LRP1B: variants seen among roughly 807,000 people sequenced by gnomAD.
The protein encoded by LRP1B is LDL receptor related protein 1B, also known as low-density lipoprotein receptor-related protein 1B.
In LRP1B, 217 loss-of-function variants were observed where a neutral mutation model predicts 556.6. The observed-to-expected ratio is 0.39, with a 90% CI of 0.35 to 0.44. The LOEUF is 0.44. Ranked by LOEUF, LRP1B falls within the 20% of genes least tolerant of loss-of-function variation. The pLI is 1.00. For synonymous variants in LRP1B, 2,047 were observed against 1,865.8 expected, an observed-to-expected ratio of 1.10 and a Z score of -2.50; for missense variants, 5,053 against 5,620.8, an observed-to-expected ratio of 0.90 and a Z score of 3.23.
At chr2:141,674,797 C>A (rs1690813618) in intron 2 of LRP1B, among the ~76,000 whole-genome samples, 1 of 151,992 alleles carries the variant, frequency 6.6e-6, no homozygotes, top group African/African-American at 2.4e-5. Flanking sequence ...CACTGCATTG[C>A]AACGGGTAGA....
At chr2:141,308,452 G>T (rs1414642028) in intron 3 of LRP1B, among the ~76,000 whole-genome samples, 1 of 152,074 alleles carries the variant, frequency 6.6e-6, no homozygotes, top group Non-Finnish European at 1.5e-5. Flanking sequence ...AAAACTATAG[G>T]TATATCATGA....
chr2:142,115,705 T>A (rs1429609628), intron 1 of LRP1B, among the ~76,000 whole-genome samples: 3 of 19,928 alleles, frequency 1.5e-4, no homozygotes, highest in African/African-American at 3.8e-4. Context: ...AATATATATA[T>A]AATATATATG....
At chr2:141,042,982 A>G (rs942010571) in intron 11 of LRP1B, among the ~76,000 whole-genome samples, 8 of 149,482 alleles carry the variant, frequency 5.4e-5, no homozygotes, top group African/African-American at 2.4e-5. Context: ...ACTTGAGCCC[A>G]GGAGTTTGCA....
intron 13 of LRP1B, among the ~76,000 whole-genome samples, chr2:141,015,264 CTA>C (rs1697869154): frequency 6.6e-6 from 1 of 152,058 alleles, no homozygotes. Flanking sequence ...CTCATTCCTA[CTA>C]TGTGTTTAAG....
intron 2 of LRP1B, among the ~76,000 whole-genome samples, chr2:141,482,723 C>G (rs1055323413): frequency 2.0e-5 from 3 of 151,854 alleles, no homozygotes; most frequent in Non-Finnish European, 4.4e-5. Flanking sequence ...CATAAAGTAG[C>G]TTTTTAAAAT....
At chr2:140,872,538 A>G (rs902648851) in intron 25 of LRP1B, among the ~76,000 whole-genome samples, 1 of 151,792 alleles carries the variant, frequency 6.6e-6, no homozygotes, top group African/African-American at 2.4e-5. Context: ...CCCCTTTTGG[A>G]GACCCAGGAT....
chr2:142,021,871 T>C (rs1173630127), intron 1 of LRP1B, among the ~76,000 whole-genome samples: 1 of 152,150 alleles, frequency 6.6e-6, no homozygotes, highest in African/African-American at 2.4e-5. Context: ...CATATTTAAA[T>C]ATTCTCAATC....
At chr2:141,346,132 C>A (rs1346850621) in intron 3 of LRP1B, among the ~76,000 whole-genome samples, 3 of 151,554 alleles carry the variant, frequency 2.0e-5, no homozygotes, top group Non-Finnish European at 4.4e-5. Flanking sequence ...TCTTTTTCTT[C>A]CATGTTTTGT....
chr2:140,629,837 T>C (rs917225399), intron 41 of LRP1B, among the ~76,000 whole-genome samples: 1 of 152,202 alleles, frequency 6.6e-6, no homozygotes, highest in Non-Finnish European at 1.5e-5. Context: ...TGCAATTTAA[T>C]ATTTTTACAT....
At chr2:140,299,385 A>G (rs1683727243) in intron 83 of LRP1B, among the ~76,000 whole-genome samples, 1 of 152,104 alleles carries the variant, frequency 6.6e-6, no homozygotes, top group Non-Finnish European at 1.5e-5. Flanking sequence ...AGTAATATAC[A>G]TTTTTATGGT....
At chr2:140,627,434 C>T (rs1282865718) in intron 41 of LRP1B, among the ~76,000 whole-genome samples, 2 of 152,136 alleles carry the variant, frequency 1.3e-5, no homozygotes, top group Admixed American at 6.5e-5. Flanking sequence ...TGCCCTCGAA[C>T]ATCGGTCTCC....
intron 3 of LRP1B, among the ~76,000 whole-genome samples, chr2:141,275,833 G>A (rs141877595): frequency 4.3e-4 from 66 of 152,158 alleles, no homozygotes; most frequent in African/African-American, 4.3e-4. Flanking sequence ...TAGAAATGGC[G>A]TAGTGTGAAG....
intron 3 of LRP1B, among the ~76,000 whole-genome samples, chr2:141,479,010 C>A (rs1429699747): frequency 6.6e-6 from 1 of 152,124 alleles, no homozygotes; most frequent in Non-Finnish European, 1.5e-5. Context: ...AAAGGAAACT[C>A]AGGCCAAAGA....
intron 2 of LRP1B, among the ~76,000 whole-genome samples, chr2:141,783,305 A>T (rs1288144124): frequency 6.6e-6 from 1 of 152,078 alleles, no homozygotes; most frequent in Non-Finnish European, 1.5e-5. Context: ...TCAGAGAGAG[A>T]GGAGTTCATT....
chr2:140,265,742 C>T (rs1460580216), intron 86 of LRP1B, among the ~76,000 whole-genome samples: 1 of 152,058 alleles, frequency 6.6e-6, no homozygotes, highest in Non-Finnish European at 1.5e-5. Context: ...ATTAACAATA[C>T]ATGACCACTG....
chr2:141,215,635 T>C (rs1301790085), intron 6 of LRP1B, among the ~76,000 whole-genome samples: 1 of 152,196 alleles, frequency 6.6e-6, no homozygotes, highest in Admixed American at 6.5e-5. Context: ...TATTGGGAAC[T>C]GGAGCAAAGT....
intron 7 of LRP1B, among the ~76,000 whole-genome samples, chr2:141,171,352 C>T (rs997572749): frequency 1.3e-5 from 2 of 152,038 alleles, no homozygotes; most frequent in South Asian, 2.1e-4. Flanking sequence ...TTCCCTCTTC[C>T]CCACCCCAGT....
intron 41 of LRP1B, chr2:140,683,318 C>G (rs1685929361): frequency 2.3e-6 from 1 of 437,300 alleles, no homozygotes; most frequent in Non-Finnish European, 4.4e-6. Context: ...AGATCTTGAC[C>G]TGGAGGCCCA....
intron 7 of LRP1B, among the ~76,000 whole-genome samples, chr2:141,184,682 AC>A (rs1681163118): frequency 6.6e-6 from 1 of 150,590 alleles, no homozygotes; most frequent in South Asian, 2.1e-4. Context: ...ACTTGTAAGT[AC>A]CTTTGTATGC....
Sources: gnomAD v4.1 joint callset for allele counts (sites outside exome capture counted in the v4.1 genomes callset) on GRCh38, gnomAD v4.1.1 for gene constraint, MANE v1.5 for transcripts, NCBI Gene and HGNC (gene_info 2026-07-23, HGNC 2026-07-21) for gene names.